Variants in MTCL1 observed in about 807,000 individuals in gnomAD.
The protein encoded by MTCL1 is microtubule cross-linking factor 1.
In MTCL1, 79 loss-of-function variants were observed where a neutral mutation model predicts 141.4. That is an observed-to-expected ratio of 0.56 (90% CI 0.47 to 0.67). The LOEUF is 0.67. MTCL1 is among the 30% of genes least tolerant of loss of function. The probability of loss-of-function intolerance (pLI) is 0.00; values close to 1 mark genes in which losing one functional copy is unlikely to be tolerated. For synonymous variants in MTCL1, 914 were observed against 875.8 expected (o/e 1.04, Z -0.77); for missense variants, 2,177 against 2,113.9 (o/e 1.03, Z -0.59).
Position 8,784,733 on chromosome 18 carries a change from TC to T in MTCL1, c.1626del (p.Leu543CysfsTer14). 1 of 1,614,148 alleles carries T rather than the reference TC, an allele frequency of 6.2e-7. No homozygotes were observed. The highest frequency in any genetic ancestry group is 8.5e-7 in the Non-Finnish European group (1 of 1,180,012). ...GGTGAACCGCATTGGGGATGGCCTA[TC>T]CCCCTTGCCCCACCTCACAGAGTCC... On this transcript the variant is annotated frameshift_variant, in exon 6 of 17. Transcript: ENST00000359865. LOFTEE classifies it high-confidence loss of function.
upstream of MTCL1, among the ~76,000 whole-genome samples, chr18:8,714,421 G>A (rs182806301): frequency 3.3e-4 from 50 of 152,282 alleles, 1 homozygote; most frequent in African/African-American, 1.0e-3. Context: ...CCGTTATGGT[G>A]CATTGGTCCA....
chr18:8,752,651 A>G (rs554632895), intron 4 of MTCL1, among the ~76,000 whole-genome samples: 5 of 152,356 alleles, frequency 3.3e-5, no homozygotes, highest in East Asian at 3.9e-4. Flanking sequence ...TACCATCCCA[A>G]TTGTTAAACA....
intron 11 of MTCL1, among the ~76,000 whole-genome samples, chr18:8,812,321 G>A (rs1283519234): frequency 6.6e-6 from 1 of 152,046 alleles, no homozygotes; most frequent in African/African-American, 2.4e-5. Context: ...TTGCTGAAAA[G>A]TGTTTTCCTT....
intron 8 of MTCL1, 46 bp from the exon 8 acceptor site, chr18:8,796,186 G>A: frequency 6.3e-7 from 1 of 1,598,600 alleles, no homozygotes; most frequent in East Asian, 2.2e-5. Context: ...TTGGGTGGCG[G>A]ATTGGATTAG....
At chr18:8,820,652 T>C (rs866387171) in intron 13 of MTCL1, among the ~76,000 whole-genome samples, 3 of 152,206 alleles carry the variant, frequency 2.0e-5, no homozygotes, top group Admixed American at 6.5e-5. Context: ...GGCAATCTTA[T>C]ACAGTCCGAT....
In MTCL1 at chr18:8,786,133, C is replaced by T. The variant is rs200818595; in HGVS notation, c.1887+42C>T. Reference sequence around the variant, plus strand: ...AATCCCCCCCCCCCGCCCTCCCCCTCCTTTTTCTGTGTGGCTGGCTGTGTG... The same window carrying T: ...AATCCCCCCCCCCCGCCCTCCCCCTTCTTTTTCTGTGTGGCTGGCTGTGTG... On this transcript the variant is annotated intron_variant, in intron 7 of 16. Transcript: ENST00000359865. 1,074 of 1,530,048 alleles carry T rather than the reference C, an allele frequency of 7.0e-4. 9 individuals carry two copies. The African/African-American group carries it at 0.012, about 18-fold the overall frequency. 94.8% of individuals were successfully genotyped at this position (1,530,048 alleles called of 1,614,324 possible). A position where few individuals can be genotyped will look rare whatever the true frequency, so the allele number is the denominator to read the frequency against.
exon 12 of MTCL1, chr18:8,813,037 G>C: frequency 6.2e-7 from 1 of 1,614,198 alleles, no homozygotes; most frequent in African/African-American, 1.3e-5. Flanking sequence ...GAGAGCAAGG[G>C]GGCCTTGAAG....
chr18:8,724,495 G>T (rs1253393363), intron 4 of MTCL1, among the ~76,000 whole-genome samples: 1 of 152,188 alleles, frequency 6.6e-6, no homozygotes, highest in Admixed American at 6.5e-5. Flanking sequence ...ACGAGTATTT[G>T]AGAGCTGAAA....
In MTCL1 at chr18:8,707,038, C is replaced by T. The variant is rs565923167; in HGVS notation, c.1053+325C>T. 1.1e-3 allele frequency: 278 copies of T among 260,998 alleles called. 2 individuals carry two copies. The highest frequency in any genetic ancestry group is 5.9e-3 in the African/African-American group (264 of 44,378). 16.2% of individuals were successfully genotyped at this position (260,998 alleles called of 1,614,324 possible). A position where few individuals can be genotyped will look rare whatever the true frequency, so the allele number is the denominator to read the frequency against. On this transcript the variant is annotated intron_variant, in intron 1 of 13. Transcript: ENST00000306329. ...TCGTTTTGGGGACATCAGCGGACGC[C>T]CCCATCCCCGCTCAGAACGTGCCAG...
chr18:8,722,340 C>T (rs1182112630), intron 4 of MTCL1, among the ~76,000 whole-genome samples: 1 of 152,136 alleles, frequency 6.6e-6, no homozygotes, highest in Non-Finnish European at 1.5e-5. Context: ...GGGAGGATTG[C>T]TTGTGCCCAG....
At chr18:8,780,458 T>A (rs1238954219) in intron 5 of MTCL1, among the ~76,000 whole-genome samples, 1 of 152,092 alleles carries the variant, frequency 6.6e-6, no homozygotes, top group African/African-American at 2.4e-5. Context: ...GGGTGGAGAG[T>A]GGGGCTGAGT....
At chr18:8,824,837 C>G in exon 15 of MTCL1, 2 of 1,614,106 alleles carry the variant, frequency 1.2e-6, no homozygotes, top group Non-Finnish European at 8.5e-7. Flanking sequence ...TCAAGTACAT[C>G]GAGGAGTTCA....
rs116814140 is a variant in MTCL1, at chr18:8,824,968, C to T, written c.3458C>T (p.Ser1153Phe). The stretch of plus-strand genomic sequence containing the variant: ...GACAGCACAGAGCCTTTCCCCGACT[C>T]CTCCTGGTACCTAACCACAAGTGTC... The change falls in exon 15 of 17, where the codon TCC (serine) becomes TTC (phenylalanine). Residue 1153 changes from serine to phenylalanine, a missense_variant. Coordinates refer to ENST00000359865, the Ensembl canonical transcript of MTCL1. The T allele has an allele frequency of 4.3e-6, 7 of 1,613,412 alleles. No individual in the cohort carries two copies. The African/African-American group carries it at 6.7e-5, about 15-fold the overall frequency.
At chr18:8,735,295 C>T (rs2096269819) in intron 4 of MTCL1, among the ~76,000 whole-genome samples, 1 of 152,158 alleles carries the variant, frequency 6.6e-6, no homozygotes, top group African/African-American at 2.4e-5. Context: ...TCCTCTGCCA[C>T]CTTCAGTTTC....
chr18:8,714,462 G>A (rs1332677366), upstream of MTCL1, among the ~76,000 whole-genome samples: 2 of 152,144 alleles, frequency 1.3e-5, no homozygotes, highest in Non-Finnish European at 2.9e-5. Flanking sequence ...ACTAGACTGG[G>A]TAATTTATAA....
exon 1 of MTCL1, chr18:8,706,680 G>A: frequency 1.9e-6 from 3 of 1,546,516 alleles, no homozygotes; most frequent in South Asian, 1.2e-5. Flanking sequence ...TGCGGGAGAT[G>A]GAGGAGCTGC....
At chr18:8,775,757 CCTT>C (rs1568010346) in intron 4 of MTCL1, among the ~76,000 whole-genome samples, 1 of 152,148 alleles carries the variant, frequency 6.6e-6, no homozygotes, top group East Asian at 1.9e-4. Context: ...GGAAATAAAG[CCTT>C]CTGCAGCTGG....
chr18:8,784,532 G>A, exon 6 of MTCL1: 1 of 1,605,434 alleles, frequency 6.2e-7, no homozygotes. Flanking sequence ...CCTCATCACG[G>A]ACACCGACAG....
intron 12 of MTCL1, among the ~76,000 whole-genome samples, chr18:8,814,165 A>G (rs138082878): frequency 6.3e-4 from 96 of 152,352 alleles, no homozygotes; most frequent in African/African-American, 2.2e-3. Context: ...TTACGCAGGT[A>G]CAATGACAAA....
Sources: allele counts gnomAD v4.1 joint callset (sites outside exome capture counted in the v4.1 genomes callset), GRCh38; gene constraint gnomAD v4.1.1; transcripts MANE v1.5; gene names NCBI Gene and HGNC (gene_info 2026-07-23, HGNC 2026-07-21).